Variants in ATE1 observed in about 807,000 individuals in gnomAD.
ATE1 encodes the protein arginyltransferase 1.
Under a neutral mutation model 70.5 loss-of-function variants are expected in ATE1, and 36 were observed. The ratio of observed to expected loss-of-function variants is 0.51; its 90% CI spans 0.39 to 0.67. The LOEUF (loss-of-function observed/expected upper bound fraction) is 0.67. Among genes scored for constraint, ATE1 ranks in the 30% least tolerant of loss-of-function variants. ATE1 has a pLI of 0.00. For missense variants in ATE1, 593 were observed against 629.5 expected (o/e 0.94, Z 0.62); for synonymous variants, 232 against 219.3 (o/e 1.06, Z -0.51).
chr10:121,828,292 G>A lies in ATE1; in HGVS notation c.1257+8426C>T, dbSNP rs1475318964. ...TGTCACTTTCATACCTACACCATGTGTTTCAGTCATCCATTGCTGAGTAAC... is the reference window on the plus strand; with the variant it reads ...TGTCACTTTCATACCTACACCATGTATTTCAGTCATCCATTGCTGAGTAAC... On this transcript the variant is annotated intron_variant, in intron 10 of 11. Transcript: ENST00000224652. Among the ~76,000 whole-genome samples, 4 of 152,318 alleles carry A rather than the reference G, an allele frequency of 2.6e-5. No homozygotes were observed. The East Asian group carries it at 5.8e-4, about 22-fold the overall frequency.
At chr10:121,882,993 T>C (rs148412599) in intron 7 of ATE1, among the ~76,000 whole-genome samples, 72 of 152,204 alleles carry the variant, frequency 4.7e-4, no homozygotes, top group African/African-American at 1.6e-3. Context: ...AAAAAAACAA[T>C]AGAAGTGAAA....
intron 5 of ATE1, among the ~76,000 whole-genome samples, chr10:121,906,642 A>C (rs1354315252): frequency 1.3e-5 from 2 of 151,800 alleles, no homozygotes; most frequent in African/African-American, 4.8e-5. Flanking sequence ...TCTGTCACCC[A>C]GGCTGGAGTG....
intron 10 of ATE1, among the ~76,000 whole-genome samples, chr10:121,800,681 CT>C (rs1564848576): frequency 6.6e-6 from 1 of 152,126 alleles, no homozygotes; most frequent in Non-Finnish European, 1.5e-5. Flanking sequence ...AAAAAATTAA[CT>C]AGATAAAGTT....
chr10:121,886,936 T>C (rs970262108), intron 7 of ATE1, among the ~76,000 whole-genome samples: 5 of 152,184 alleles, frequency 3.3e-5, no homozygotes, highest in South Asian at 2.1e-4. Flanking sequence ...ACTACTTTCA[T>C]ATACAAAAAT....
chr10:121,855,571 G>C (rs1361269603), intron 8 of ATE1, among the ~76,000 whole-genome samples: 2 of 152,002 alleles, frequency 1.3e-5, no homozygotes, highest in East Asian at 3.9e-4. Flanking sequence ...TCTATAATTC[G>C]AAAAAGCCGT....
chr10:121,845,711 T>A (rs959022277), intron 8 of ATE1, among the ~76,000 whole-genome samples: 25 of 152,126 alleles, frequency 1.6e-4, no homozygotes, highest in Non-Finnish European at 5.9e-5. Flanking sequence ...TGGCAGACAG[T>A]AAGAATCAGG....
At chr10:121,808,441 G>A (rs1322735860) in intron 10 of ATE1, among the ~76,000 whole-genome samples, 4 of 152,170 alleles carry the variant, frequency 2.6e-5, no homozygotes, top group African/African-American at 7.2e-5. Flanking sequence ...TCCCAGGATC[G>A]AGGAGGACTG....
intron 10 of ATE1, among the ~76,000 whole-genome samples, chr10:121,819,599 C>T (rs1279920824): frequency 2.4e-5 from 3 of 127,520 alleles, no homozygotes; most frequent in East Asian, 2.7e-4. Flanking sequence ...CCCAGCTACT[C>T]GGGAGGCTGA....
chr10:121,818,584 A>G (rs1195229524), intron 10 of ATE1, among the ~76,000 whole-genome samples: 1 of 152,166 alleles, frequency 6.6e-6, no homozygotes, highest in East Asian at 1.9e-4. Context: ...GGTTATTTGT[A>G]AAGAAAAAAA....
chr10:121,833,801 A>G (rs778598424), intron 10 of ATE1, among the ~76,000 whole-genome samples: 5 of 152,204 alleles, frequency 3.3e-5, no homozygotes, highest in Admixed American at 6.5e-5. Context: ...AACAGAAAAC[A>G]GCAAACTTTA....
At chr10:121,886,418 C>T (rs1318996162) in intron 7 of ATE1, among the ~76,000 whole-genome samples, 4 of 151,906 alleles carry the variant, frequency 2.6e-5, no homozygotes, top group South Asian at 2.1e-4. Flanking sequence ...CACGTGTGCA[C>T]GTTAGGTTCA....
At chr10:121,761,517 T>C (rs926100188) in intron 11 of ATE1, among the ~76,000 whole-genome samples, 2 of 152,236 alleles carry the variant, frequency 1.3e-5, no homozygotes, top group Non-Finnish European at 2.9e-5. Context: ...TACAGCATAA[T>C]GTAAACATGA....
chr10:121,840,676 T>A (rs1325812766), intron 9 of ATE1, among the ~76,000 whole-genome samples: 1 of 151,896 alleles, frequency 6.6e-6, no homozygotes, highest in Non-Finnish European at 1.5e-5. Context: ...CTAAAGATAG[T>A]ACCTTATAAA....
chr10:121,809,121 A>G (rs1947214121), intron 10 of ATE1, among the ~76,000 whole-genome samples: 1 of 152,226 alleles, frequency 6.6e-6, no homozygotes, highest in Non-Finnish European at 1.5e-5. Context: ...ACTAGAAACG[A>G]TTAGGTCCAT....
chr10:121,764,143 G>A (rs996996021), intron 11 of ATE1, among the ~76,000 whole-genome samples: 2 of 151,988 alleles, frequency 1.3e-5, no homozygotes, highest in Admixed American at 1.3e-4. Context: ...GGGGGCTCAG[G>A]GAAGGGCGAC....
At chr10:121,872,036 G>T (rs1055415652) in intron 7 of ATE1, among the ~76,000 whole-genome samples, 1 of 152,184 alleles carries the variant, frequency 6.6e-6, no homozygotes, top group African/African-American at 2.4e-5. Flanking sequence ...GGAGAAAAAT[G>T]AGGCATGGTA....
In ATE1 at chr10:121,818,256, CAAA is replaced by C. The variant is rs66792557; in HGVS notation, c.1257+18459_1257+18461del. On this transcript the variant is annotated intron_variant, in intron 10 of 11. Transcript: ENST00000224652. ...TGGGCAACAGAGCCAGACTCCATCT[CAAA>C]AAAAAAAAAAAAAAAAAAAAAAGAT... is the stretch of plus-strand genomic sequence containing the variant. 1.1e-4 allele frequency among the ~76,000 whole-genome samples: 7 copies of C among 63,408 alleles called. No homozygotes were observed. In the East Asian group the frequency reaches 3.1e-3, roughly 28 times the overall value. 41.6% of individuals were successfully genotyped at this position (63,408 alleles called of 152,430 possible).
intron 11 of ATE1, among the ~76,000 whole-genome samples, chr10:121,767,009 C>T (rs1367492114): frequency 6.6e-6 from 1 of 152,134 alleles, no homozygotes; most frequent in Non-Finnish European, 1.5e-5. Context: ...CCCTTATGAA[C>T]ACAGATGTAG....
At position 121,836,726 on chromosome 10, in the gene ATE1, T is replaced by A; in HGVS notation, c.1249A>T (p.Lys417Ter). The change falls in exon 10 of 12, where the codon AAA becomes TAA. Residue 417 changes from lysine (K) to a stop codon, truncating the protein, a stop_gained. Transcript: ENST00000224652. LOFTEE classifies it high-confidence loss of function. Reference protein sequence around the residue: ...GFYIHSCPKMKYKGQYRPSDL... With the variant: ...GFYIHSCPKM ...GTGAAAATCAACTTTACCTTATATT[T>A]CATCTTGGGACATGAATGAATGTAG... is the stretch of plus-strand genomic sequence containing the variant. 6.5e-7 allele frequency: 1 copy of A among 1,529,384 alleles called. No homozygotes were observed. The highest frequency in any genetic ancestry group is 1.9e-4 in the Middle Eastern group (1 of 5,394). The allele number at this position is 1,529,384 out of a possible 1,614,324, so 94.7% of individuals were successfully genotyped here.
Sources: gnomAD v4.1 joint callset for allele counts (sites outside exome capture counted in the v4.1 genomes callset) on GRCh38, gnomAD v4.1.1 for gene constraint, MANE v1.5 for transcripts, NCBI Gene and HGNC (gene_info 2026-07-23, HGNC 2026-07-21) for gene names.